The following ZNF804B variants were observed in gnomAD, a reference collection of about 807,000 sequenced individuals.
The protein encoded by ZNF804B is zinc finger protein 804B.
A neutral mutation model predicts 101.4 loss-of-function variants in ZNF804B; 80 were observed. That is an observed-to-expected ratio of 0.79 (90% confidence interval 0.66 to 0.95). The LOEUF (loss-of-function observed/expected upper bound fraction) is 0.95, where lower values mean the gene tolerates loss of function less well. ZNF804B is among the 40% of genes least tolerant of loss of function. The pLI, the probability that ZNF804B is intolerant of heterozygous loss-of-function variation, is 0.00. For synonymous variants in ZNF804B, 622 were observed against 558.8 expected, an observed-to-expected ratio of 1.11 and a Z score of -1.59; for missense variants, 1,673 against 1,561.9, an observed-to-expected ratio of 1.07 and a Z score of -1.20.
chr7:89,189,508 G>A (rs1788424506), intron 1 of ZNF804B, among the ~76,000 whole-genome samples: 1 of 152,138 alleles, frequency 6.6e-6, no homozygotes, highest in Non-Finnish European at 1.5e-5. Flanking sequence ...AGGCAAAAAA[G>A]ACAATGAGCG....
At chr7:89,194,059 G>T (rs986898080) in intron 1 of ZNF804B, among the ~76,000 whole-genome samples, 1 of 152,022 alleles carries the variant, frequency 6.6e-6, no homozygotes, top group Admixed American at 6.6e-5. Context: ...TTCTCTGATG[G>T]CCAGTGATGG....
chr7:89,087,286 G>T (rs911556554), intron 1 of ZNF804B, among the ~76,000 whole-genome samples: 1 of 151,672 alleles, frequency 6.6e-6, no homozygotes. Flanking sequence ...AATTGTAGCT[G>T]CCCAAAATGG....
intron 1 of ZNF804B, among the ~76,000 whole-genome samples, chr7:88,933,546 T>G: frequency 6.6e-6 from 1 of 151,804 alleles, no homozygotes; most frequent in East Asian, 1.9e-4. Flanking sequence ...AACTCTAAAG[T>G]TTCGTTCAAA....
At chr7:88,808,525 C>T (rs1320048721) in intron 1 of ZNF804B, among the ~76,000 whole-genome samples, 1 of 151,762 alleles carries the variant, frequency 6.6e-6, no homozygotes, top group East Asian at 1.9e-4. Context: ...AGTGAGATCT[C>T]CTCACCTCTA....
chr7:89,013,615 A>T (rs935990788), intron 1 of ZNF804B, among the ~76,000 whole-genome samples: 4 of 152,222 alleles, frequency 2.6e-5, no homozygotes, highest in Admixed American at 6.5e-5. Context: ...CATCTCAAAC[A>T]TTTATCATTT....
At chr7:88,921,803 A>G (rs1792723709) in intron 1 of ZNF804B, among the ~76,000 whole-genome samples, 1 of 152,060 alleles carries the variant, frequency 6.6e-6, no homozygotes, top group South Asian at 2.1e-4. Flanking sequence ...TTAGGAATAA[A>G]CATGGTATAG....
chr7:89,015,675 T>G (rs1303076767), intron 1 of ZNF804B, among the ~76,000 whole-genome samples: 1 of 152,172 alleles, frequency 6.6e-6, no homozygotes, highest in East Asian at 1.9e-4. Flanking sequence ...CTCATCATTT[T>G]TTATGGCTGC....
chr7:88,856,834 C>G (rs1791568051), intron 1 of ZNF804B, among the ~76,000 whole-genome samples: 1 of 152,080 alleles, frequency 6.6e-6, no homozygotes, highest in South Asian at 2.1e-4. Flanking sequence ...TGAATTTTGT[C>G]AAAGGCCTTT....
rs781332488 is a variant in ZNF804B, at chr7:88,870,400, A to AAAAAAAAAAAAAAAG, written c.108+110323_108+110324insAAAAAAAGAAAAAAA. On this transcript the variant is annotated intron_variant, in intron 1 of 3. Transcript: ENST00000333190. Reference sequence around the variant, plus strand: ...ACTCCGTCTCAAAAAAAAAAAAAAAAAAAAAAAGGTGGGTGATTGGAAAAC... The same window carrying AAAAAAAAAAAAAAAG: ...ACTCCGTCTCAAAAAAAAAAAAAAAAAAAAAAAAAAAAAAGAAAAAAAGGTGGGTGATTGGAAAAC... Among the ~76,000 whole-genome samples the AAAAAAAAAAAAAAAG allele has an allele frequency of 2.1e-4, 24 of 112,726 alleles. 1 individual carries two copies. The highest frequency in any genetic ancestry group is 6.3e-4 in the African/African-American group (16 of 25,482). The allele number at this position is 112,726 out of a possible 152,430, so 74.0% of individuals were successfully genotyped here.
chr7:89,185,434 C>T (rs1224004583), intron 1 of ZNF804B, among the ~76,000 whole-genome samples: 1 of 152,110 alleles, frequency 6.6e-6, no homozygotes, highest in Non-Finnish European at 1.5e-5. Flanking sequence ...CACCCCTGTG[C>T]CATAGTAACT....
intron 1 of ZNF804B, among the ~76,000 whole-genome samples, chr7:88,765,485 G>A (rs1170492979): frequency 1.3e-5 from 2 of 152,106 alleles, no homozygotes; most frequent in African/African-American, 2.4e-5. Flanking sequence ...GTTGGTTTTA[G>A]GCTGTGTTGG....
At chr7:88,839,687 A>G (rs1341120727) in intron 1 of ZNF804B, among the ~76,000 whole-genome samples, 1 of 144,034 alleles carries the variant, frequency 6.9e-6, no homozygotes, top group Non-Finnish European at 1.5e-5. Context: ...TTGGAATCAT[A>G]TAAAGTGAAG....
At chr7:89,323,157 G>T (rs894263440) in intron 2 of ZNF804B, among the ~76,000 whole-genome samples, 2 of 152,296 alleles carry the variant, frequency 1.3e-5, no homozygotes, top group South Asian at 2.1e-4. Context: ...AAACCAGGAA[G>T]AATTTCATAA....
At chr7:89,168,876 C>T (rs1791182349) in intron 1 of ZNF804B, among the ~76,000 whole-genome samples, 1 of 152,058 alleles carries the variant, frequency 6.6e-6, no homozygotes, top group East Asian at 1.9e-4. Flanking sequence ...TCTTGGAGCT[C>T]CCAAGATGGG....
At chr7:88,895,327 A>G (rs184741232) in intron 1 of ZNF804B, among the ~76,000 whole-genome samples, 243 of 152,388 alleles carry the variant, frequency 1.6e-3, no homozygotes, top group South Asian at 4.8e-3. Flanking sequence ...GGGAAGTTAC[A>G]TATAAGCAAG....
chr7:88,968,676 A>C (rs1011418995), intron 1 of ZNF804B, among the ~76,000 whole-genome samples: 1 of 151,616 alleles, frequency 6.6e-6, no homozygotes, highest in African/African-American at 2.4e-5. Flanking sequence ...ATTGCTTTCA[A>C]ATTGTAAGGA....
At position 89,220,146 on chromosome 7, in the gene ZNF804B, T is replaced by C. The variant is rs1222978690; in HGVS notation, c.249+1851T>C. The stretch of plus-strand genomic sequence containing the variant: ...ATATACGCACACATATATGTGTGTA[T>C]ATACATATATATATACGCACATATA... On this transcript the variant is annotated intron_variant, in intron 2 of 3. Coordinates refer to ENST00000333190, the MANE Select transcript of ZNF804B (RefSeq NM_181646.5). Among the ~76,000 whole-genome samples the C allele has an allele frequency of 2.7e-5, 3 of 110,168 alleles. 1 individual carries two copies. Among genetic ancestry groups the C allele is most frequent in the Non-Finnish European group, 5.7e-5 (3 of 52,770 alleles). 72.3% of individuals were successfully genotyped at this position (110,168 alleles called of 152,430 possible). A position where few individuals can be genotyped will look rare whatever the true frequency, so the allele number is the denominator to read the frequency against.
intron 1 of ZNF804B, among the ~76,000 whole-genome samples, chr7:88,988,681 T>G (rs2116148332): frequency 6.6e-6 from 1 of 152,230 alleles, no homozygotes; most frequent in South Asian, 2.1e-4. Context: ...TAGAGACTGA[T>G]TGATTAAACC....
At chr7:88,765,318 A>G (rs1239285898) in intron 1 of ZNF804B, among the ~76,000 whole-genome samples, 1 of 152,160 alleles carries the variant, frequency 6.6e-6, no homozygotes, top group Non-Finnish European at 1.5e-5. Context: ...TATCATGGGT[A>G]GGCTAAATGT....
Sources: gnomAD v4.1 joint callset for allele counts (sites outside exome capture counted in the v4.1 genomes callset) on GRCh38, gnomAD v4.1.1 for gene constraint, MANE v1.5 for transcripts, NCBI Gene and HGNC (gene_info 2026-07-23, HGNC 2026-07-21) for gene names.